The following SOX6 variants were observed in gnomAD, a reference collection of about 807,000 sequenced individuals.
SOX6 encodes transcription factor SOX-6.
A neutral mutation model predicts 97.8 loss-of-function variants in SOX6; 11 were observed. The ratio of observed to expected loss-of-function variants is 0.11; its 90% CI spans 0.07 to 0.19. SOX6 has a LOEUF of 0.19. Ranked by LOEUF, SOX6 falls within the 10% of genes least tolerant of loss-of-function variation. The pLI, the probability that SOX6 is intolerant of heterozygous loss-of-function variation, is 1.00. For missense variants in SOX6, 810 were observed against 1,039.5 expected, an observed-to-expected ratio of 0.78 and a Z score of 3.04; for synonymous variants, 360 against 371.4, an observed-to-expected ratio of 0.97 and a Z score of 0.35.
chr11:16,634,744 A>G (rs1848759519), intron 3 of SOX6, among the ~76,000 whole-genome samples: 2 of 151,824 alleles, frequency 1.3e-5, no homozygotes, highest in Admixed American at 6.6e-5. Flanking sequence ...TCTCTAATTG[A>G]TATGGTTTGG....
chr11:16,539,403 A>G (rs1389447800), intron 4 of SOX6, among the ~76,000 whole-genome samples: 6 of 152,196 alleles, frequency 3.9e-5, no homozygotes, highest in Admixed American at 3.9e-4. Context: ...CATCACAATT[A>G]AAAGAACTAG....
chr11:16,153,468 G>A (rs915785085), intron 6 of SOX6, among the ~76,000 whole-genome samples: 3 of 152,194 alleles, frequency 2.0e-5, no homozygotes, highest in Non-Finnish European at 4.4e-5. Flanking sequence ...CAAAAACAGG[G>A]TTAACTACCT....
intron 1 of SOX6, among the ~76,000 whole-genome samples, chr11:16,349,850 T>C (rs985063257): frequency 1.3e-5 from 2 of 152,146 alleles, no homozygotes; most frequent in African/African-American, 4.8e-5. Flanking sequence ...ATGCCTGATA[T>C]GCCATTTTAC....
intron 9 of SOX6, among the ~76,000 whole-genome samples, chr11:16,081,974 G>A (rs1369876216): frequency 6.6e-6 from 1 of 152,184 alleles, no homozygotes; most frequent in Non-Finnish European, 1.5e-5. Flanking sequence ...CTGGAAACAA[G>A]AGCCTGATTA....
chr11:16,066,553 T>A (rs1270048382), intron 9 of SOX6, among the ~76,000 whole-genome samples: 42 of 152,132 alleles, frequency 2.8e-4, no homozygotes, highest in Non-Finnish European at 2.9e-5. Flanking sequence ...TTATACACAG[T>A]GGAGTACTAT....
intron 4 of SOX6, among the ~76,000 whole-genome samples, chr11:16,551,456 GA>G (rs1847685304): frequency 6.6e-6 from 1 of 151,920 alleles, no homozygotes; most frequent in Admixed American, 6.6e-5. Context: ...AAAAGGCAAA[GA>G]TTTTCAGATT....
intron 12 of SOX6, among the ~76,000 whole-genome samples, chr11:16,033,874 A>AAAAC (rs761442807): frequency 6.6e-6 from 1 of 152,172 alleles, no homozygotes; most frequent in African/African-American, 2.4e-5. Flanking sequence ...CTCTGTCTCC[A>AAAAC]AAACAAACAA....
At chr11:16,074,938 G>A (rs1449461345) in intron 9 of SOX6, among the ~76,000 whole-genome samples, 1 of 152,100 alleles carries the variant, frequency 6.6e-6, no homozygotes, top group Non-Finnish European at 1.5e-5. Context: ...ATATAAAGGT[G>A]GAGGCATCAC....
chr11:16,212,337 AT>A (rs1286512632), intron 4 of SOX6, among the ~76,000 whole-genome samples: 2 of 152,140 alleles, frequency 1.3e-5, no homozygotes, highest in African/African-American at 2.4e-5. Flanking sequence ...TTCAATGAAT[AT>A]TTTTATACTA....
intron 4 of SOX6, among the ~76,000 whole-genome samples, chr11:16,489,473 G>A (rs1860479155): frequency 6.6e-6 from 1 of 152,070 alleles, no homozygotes; most frequent in Non-Finnish European, 1.5e-5. Flanking sequence ...ACAGCATGAG[G>A]AAACATTTAT....
chr11:16,398,158 C>T (rs1260347420), intron 1 of SOX6, among the ~76,000 whole-genome samples: 1 of 151,582 alleles, frequency 6.6e-6, no homozygotes, highest in Non-Finnish European at 1.5e-5. Flanking sequence ...CCAAGTGATT[C>T]TTACATACCT....
At chr11:16,324,206 C>CA (rs770162029) in intron 2 of SOX6, among the ~76,000 whole-genome samples, 2 of 151,578 alleles carry the variant, frequency 1.3e-5, no homozygotes, top group Admixed American at 6.6e-5. Context: ...AACAAACAAA[C>CA]AAAAAAAATC....
At chr11:16,639,763 T>A (rs1423780861) in intron 3 of SOX6, among the ~76,000 whole-genome samples, 1 of 152,220 alleles carries the variant, frequency 6.6e-6, no homozygotes, top group Non-Finnish European at 1.5e-5. Flanking sequence ...TGATTTTGTA[T>A]CCTGAGACTT....
chr11:16,639,092 T>A (rs1323617466), intron 3 of SOX6, among the ~76,000 whole-genome samples: 1 of 152,258 alleles, frequency 6.6e-6, no homozygotes, highest in Non-Finnish European at 1.5e-5. Context: ...AATTTTTGTA[T>A]AAGGTGTAAG....
chr11:16,155,289 G>A (rs1272236500), intron 6 of SOX6, among the ~76,000 whole-genome samples: 1 of 152,050 alleles, frequency 6.6e-6, no homozygotes. Flanking sequence ...TGAATTCGAG[G>A]TCTTCCACTT....
chr11:16,386,122 GC>G (rs1478061714), intron 1 of SOX6, among the ~76,000 whole-genome samples: 1 of 152,080 alleles, frequency 6.6e-6, no homozygotes, highest in Non-Finnish European at 1.5e-5. Flanking sequence ...TATGCATATG[GC>G]CCTTGAGGAA....
chr11:16,166,736 T>C (rs1024305785), intron 6 of SOX6, among the ~76,000 whole-genome samples: 1 of 152,162 alleles, frequency 6.6e-6, no homozygotes, highest in African/African-American at 2.4e-5. Context: ...GAAGGCTTCA[T>C]GGAACCAGGC....
chr11:16,189,381 A>T (rs947806035), intron 4 of SOX6, among the ~76,000 whole-genome samples: 1 of 152,054 alleles, frequency 6.6e-6, no homozygotes, highest in Admixed American at 6.6e-5. Flanking sequence ...TTTTCCAAAA[A>T]AGAAAACGCT....
intron 6 of SOX6, among the ~76,000 whole-genome samples, chr11:16,115,926 C>T (rs1349160015): frequency 6.6e-6 from 1 of 152,252 alleles, no homozygotes; most frequent in East Asian, 1.9e-4. Context: ...ATACAGAACA[C>T]ACTGATCTCA....
Sources: gnomAD v4.1 joint callset for allele counts (sites outside exome capture counted in the v4.1 genomes callset) on GRCh38, gnomAD v4.1.1 for gene constraint, MANE v1.5 for transcripts, NCBI Gene and HGNC (gene_info 2026-07-23, HGNC 2026-07-21) for gene names.